ADD3: variants seen among roughly 807,000 people sequenced by gnomAD.
The protein encoded by ADD3 is gamma-adducin.
In ADD3, 25 loss-of-function variants were observed where a neutral mutation model predicts 80.2. The ratio of observed to expected loss-of-function variants is 0.31; its 90% confidence interval spans 0.23 to 0.44. The LOEUF (loss-of-function observed/expected upper bound fraction) is 0.44. Ranked by LOEUF, ADD3 falls within the 20% of genes least tolerant of loss-of-function variation. The pLI is 1.00. For missense variants in ADD3, 829 were observed against 847.5 expected (o/e 0.98, Z 0.27); for synonymous variants, 284 against 289.6 (o/e 0.98, Z 0.20).
chr10:110,122,198 C>G lies in ADD3; in HGVS notation c.1049C>G (p.Ala350Gly). 1 of 1,614,050 alleles carries G rather than the reference C, an allele frequency of 6.2e-7. No homozygotes were observed. The highest frequency in any genetic ancestry group is 8.5e-7 in the Non-Finnish European group (1 of 1,179,980). Residue 350 changes from alanine to glycine, a missense_variant, in exon 9 of 15, where the codon GCG becomes GGG. Coordinates refer to ENST00000356080, the MANE Select transcript of ADD3 (RefSeq NM_016824.5). ...KYKAFTYTVAASGGGGVNMGS... is the reference protein window; with the variant it reads ...KYKAFTYTVAGSGGGGVNMGS... Reference sequence around the variant, plus strand: ...AAAGCTTTCACTTACACTGTAGCAGCGTCTGGTGGAGGAGGTGTGAATATG... The same window carrying G: ...AAAGCTTTCACTTACACTGTAGCAGGGTCTGGTGGAGGAGGTGTGAATATG...
rs962867847 is a variant in ADD3, at chr10:110,135,373, G to C, written c.*1755G>C. 6 of 152,512 alleles carry C rather than the reference G, an allele frequency of 3.9e-5. No individual in the cohort carries two copies. Among genetic ancestry groups the C allele is most frequent in the Admixed American group, 6.5e-5 (1 of 15,272 alleles). The allele number at this position is 152,512 out of a possible 1,614,324, so 9.4% of individuals were successfully genotyped here. On this transcript the variant is annotated 3_prime_UTR_variant, in exon 15 of 15. Transcript: ENST00000356080. The stretch of plus-strand genomic sequence containing the variant: ...ATATATATCTAAATGAATGCAATGT[G>C]CATAAATATTTTTTAAACATAACAG...
chr10:110,107,644 A>G (rs989975570), intron 2 of ADD3, among the ~76,000 whole-genome samples: 3 of 152,112 alleles, frequency 2.0e-5, no homozygotes, highest in African/African-American at 7.2e-5. Flanking sequence ...TACTTTGCCT[A>G]CCACTTACTA....
At chr10:110,028,513 C>T (rs904254421) in intron 1 of ADD3, among the ~76,000 whole-genome samples, 5 of 152,048 alleles carry the variant, frequency 3.3e-5, no homozygotes, top group Admixed American at 6.6e-5. Context: ...TGCAGTGAGC[C>T]GACATCATGC....
chr10:110,018,229 G>A (rs1853227029), intron 1 of ADD3, among the ~76,000 whole-genome samples: 1 of 152,114 alleles, frequency 6.6e-6, no homozygotes, highest in Non-Finnish European at 1.5e-5. Context: ...AACTGGTCAA[G>A]AAAAGAGATG....
intron 1 of ADD3, among the ~76,000 whole-genome samples, chr10:110,049,022 G>A (rs1857201800): frequency 6.6e-6 from 1 of 152,226 alleles, no homozygotes; most frequent in Non-Finnish European, 1.5e-5. Context: ...CCCCTGCTGT[G>A]TGCAACCTAG....
intron 1 of ADD3, among the ~76,000 whole-genome samples, chr10:110,025,158 A>G (rs1278085247): frequency 6.6e-6 from 1 of 152,026 alleles, no homozygotes; most frequent in Non-Finnish European, 1.5e-5. Flanking sequence ...GGCCTCCCAA[A>G]GTGCTGGGAT....
At chr10:110,023,241 A>G (rs1853891441) in intron 1 of ADD3, among the ~76,000 whole-genome samples, 7 of 152,152 alleles carry the variant, frequency 4.6e-5, no homozygotes, top group Admixed American at 4.6e-4. Flanking sequence ...GCCCTTATAA[A>G]AGAGACCTCA....
At chr10:110,123,910 T>C in intron 9 of ADD3, 107 bp from the exon 10 acceptor site, 1 of 1,193,586 alleles carries the variant, frequency 8.4e-7, no homozygotes, top group Non-Finnish European at 1.2e-6. Context: ...TTCTTTGTTT[T>C]TTAGCAAAGG....
intron 2 of ADD3, among the ~76,000 whole-genome samples, chr10:110,106,662 A>G (rs576216124): frequency 6.6e-6 from 1 of 152,242 alleles, no homozygotes; most frequent in East Asian, 1.9e-4. Flanking sequence ...TGAGATTCAG[A>G]TAAGGCTTTT....
intron 1 of ADD3, among the ~76,000 whole-genome samples, chr10:110,011,479 G>C (rs576797355): frequency 6.6e-6 from 1 of 152,116 alleles, no homozygotes; most frequent in Non-Finnish European, 1.5e-5. Flanking sequence ...TGTAATGTTA[G>C]GAAAAAATGT....
intron 1 of ADD3, among the ~76,000 whole-genome samples, chr10:110,062,414 CAAA>C (rs61291710): frequency 2.8e-5 from 3 of 107,440 alleles, no homozygotes. Context: ...AACTCCATCT[CAAA>C]AAAAAAAAAA....
chr10:110,037,433 C>A lies in ADD3; in HGVS notation c.-30+29134C>A, dbSNP rs199663749. 2.2e-4 allele frequency among the ~76,000 whole-genome samples: 33 copies of A among 151,736 alleles called. No homozygotes were observed. The East Asian group carries it at 5.3e-3, about 24-fold the overall frequency. On this transcript the variant is annotated intron_variant, in intron 1 of 14. Transcript: ENST00000356080. Reference sequence around the variant, plus strand: ...CAGCCTGGCCAACATGGTGAAACCCCGTCTCTACTGAAAATATAAAAACTA... The same window carrying A: ...CAGCCTGGCCAACATGGTGAAACCCAGTCTCTACTGAAAATATAAAAACTA...
chr10:110,061,452 T>G (rs1327315332), intron 1 of ADD3, among the ~76,000 whole-genome samples: 1 of 152,190 alleles, frequency 6.6e-6, no homozygotes, highest in East Asian at 1.9e-4. Context: ...TCAGCTTTCC[T>G]TTGGGAAAGC....
At chr10:110,096,580 C>T (rs947934569) in intron 1 of ADD3, among the ~76,000 whole-genome samples, 4 of 152,068 alleles carry the variant, frequency 2.6e-5, no homozygotes, top group South Asian at 4.1e-4. Context: ...ATTCATGTTG[C>T]GATAGTTAGC....
chr10:110,018,085 C>T (rs746067131), intron 1 of ADD3, among the ~76,000 whole-genome samples: 3 of 152,138 alleles, frequency 2.0e-5, no homozygotes, highest in Non-Finnish European at 4.4e-5. Flanking sequence ...ATACATCACT[C>T]CTTGAGACTC....
chr10:110,028,318 A>T (rs1470538983), intron 1 of ADD3, among the ~76,000 whole-genome samples: 1 of 152,228 alleles, frequency 6.6e-6, no homozygotes, highest in East Asian at 1.9e-4. Context: ...TCACGCCTGT[A>T]ATCCCAGCAC....
intron 1 of ADD3, among the ~76,000 whole-genome samples, chr10:110,061,402 A>G (rs1337562291): frequency 6.6e-6 from 1 of 152,170 alleles, no homozygotes; most frequent in Non-Finnish European, 1.5e-5. Flanking sequence ...CTTAATGCTA[A>G]TTGATGTTGA....
chr10:110,057,416 G>A (rs1858335486), intron 1 of ADD3, among the ~76,000 whole-genome samples: 1 of 152,022 alleles, frequency 6.6e-6, no homozygotes, highest in Admixed American at 6.6e-5. Flanking sequence ...CTCCTGCCTG[G>A]GTTTCCCAAA....
rs1470771190 is a variant in ADD3 at position 110,070,309 on chromosome 10, ACATTTTTTACCAT to A, written c.-29-30315_-29-30303del. Among the ~76,000 whole-genome samples, 4 of 152,308 alleles carry A rather than the reference ACATTTTTTACCAT, an allele frequency of 2.6e-5. No homozygotes were observed. The East Asian group carries it at 7.7e-4, about 29-fold the overall frequency. On this transcript the variant is annotated intron_variant, in intron 1 of 14. Coordinates refer to ENST00000356080, the MANE Select transcript of ADD3 (RefSeq NM_016824.5). ...AGAGACAATGTCTCGTTCATTTCTTACATTTTTTACCATGATACCTGTTCACTTGTAGCATGTA... is the reference window on the plus strand; with the variant it reads ...AGAGACAATGTCTCGTTCATTTCTTAGATACCTGTTCACTTGTAGCATGTA...
Sources: gnomAD v4.1 joint callset for allele counts (sites outside exome capture counted in the v4.1 genomes callset) on GRCh38, gnomAD v4.1.1 for gene constraint, MANE v1.5 for transcripts, NCBI Gene and HGNC (gene_info 2026-07-23, HGNC 2026-07-21) for gene names.